Variants in RPTOR observed in about 807,000 individuals in gnomAD.
RPTOR encodes regulatory-associated protein of mTOR.
A neutral mutation model predicts 169.9 loss-of-function variants in RPTOR; 21 were observed. The ratio of observed to expected loss-of-function variants is 0.12; its 90% CI spans 0.09 to 0.18. The LOEUF is 0.18. Among genes scored for constraint, RPTOR ranks in the 10% least tolerant of loss-of-function variants. RPTOR has a pLI of 1.00. For synonymous variants in RPTOR, 732 were observed against 753.2 expected (o/e 0.97, Z 0.46); for missense variants, 1,133 against 1,855.9 (o/e 0.61, Z 7.16).
Position 80,952,076 on chromosome 17 carries a change from G to A in RPTOR, c.3370+2529G>A, listed in dbSNP as rs12943625. ...GGCCCGAGTTCCAGCAGGTTGCTGG[G>A]GGATGTCTCACGGGCCTGAGGGTAA... On this transcript the variant is annotated intron_variant, in intron 28 of 33. Coordinates refer to ENST00000306801, the MANE Select transcript of RPTOR (RefSeq NM_020761.3). 2.5e-3 allele frequency among the ~76,000 whole-genome samples: 384 copies of A among 152,322 alleles called. 3 individuals carry two copies. The Middle Eastern group carries it at 0.027, about 11-fold the overall frequency.
At chr17:80,697,384 A>C (rs140800077) in intron 3 of RPTOR, among the ~76,000 whole-genome samples, 1 of 152,242 alleles carries the variant, frequency 6.6e-6, no homozygotes, top group Non-Finnish European at 1.5e-5. Flanking sequence ...GGTTTTATCC[A>C]GGACCTGCCG....
chr17:80,549,010 G>A (rs1044299480), intron 1 of RPTOR, among the ~76,000 whole-genome samples: 1 of 152,180 alleles, frequency 6.6e-6, no homozygotes, highest in Non-Finnish European at 1.5e-5. Flanking sequence ...CTTTACCAAA[G>A]TTGACTGACT....
In RPTOR at chr17:80,599,501, G is replaced by A. The variant is rs552182704; in HGVS notation, c.163-26190G>A. ...CCATAATCAAATCCCAATGCCTGCA[G>A]CTCTGGCTTTGGGATGGGGTGTTGG... On this transcript the variant is annotated intron_variant, in intron 1 of 33. Transcript: ENST00000306801. Among the ~76,000 whole-genome samples, 4 of 152,352 alleles carry A rather than the reference G, an allele frequency of 2.6e-5. No individual in the cohort carries two copies. In the East Asian group the frequency reaches 7.7e-4, roughly 29 times the overall value.
At chr17:80,629,441 G>T (rs2065423980) in intron 2 of RPTOR, among the ~76,000 whole-genome samples, 1 of 151,312 alleles carries the variant, frequency 6.6e-6, no homozygotes, top group South Asian at 2.1e-4. Context: ...GCTCTTCTGT[G>T]TGTCTCTCTC....
At chr17:80,627,091 A>G (rs1294552569) in intron 2 of RPTOR, among the ~76,000 whole-genome samples, 1 of 152,132 alleles carries the variant, frequency 6.6e-6, no homozygotes, top group Admixed American at 6.5e-5. Context: ...ATGCCCCCAA[A>G]GTTCATCCAT....
At chr17:80,840,216 G>A (rs1430318446) in intron 10 of RPTOR, among the ~76,000 whole-genome samples, 1 of 152,104 alleles carries the variant, frequency 6.6e-6, no homozygotes, top group Non-Finnish European at 1.5e-5. Flanking sequence ...TTGGATGCGT[G>A]GAGTCACGCA....
At chr17:80,736,633 A>G (rs539932018) in intron 5 of RPTOR, among the ~76,000 whole-genome samples, 1 of 152,328 alleles carries the variant, frequency 6.6e-6, no homozygotes, top group South Asian at 2.1e-4. Context: ...ATGTTCTGAA[A>G]TCTTCTTCAT....
intron 6 of RPTOR, among the ~76,000 whole-genome samples, chr17:80,773,250 C>T (rs1389242241): frequency 3.3e-5 from 5 of 152,208 alleles, no homozygotes; most frequent in Non-Finnish European, 7.3e-5. Context: ...TGCAGTTTGT[C>T]ACCAAAGCCC....
At chr17:80,900,301 C>T (rs1457457037) in intron 20 of RPTOR, among the ~76,000 whole-genome samples, 1 of 151,992 alleles carries the variant, frequency 6.6e-6, no homozygotes, top group Non-Finnish European at 1.5e-5. Context: ...CACTGTGGCC[C>T]TCCTGGGGCC....
At chr17:80,887,517 C>CCT (rs1245189531) in intron 17 of RPTOR, among the ~76,000 whole-genome samples, 1 of 152,164 alleles carries the variant, frequency 6.6e-6, no homozygotes, top group Non-Finnish European at 1.5e-5. Flanking sequence ...GGCACAGGTG[C>CCT]AAGCACCAAG....
At chr17:80,747,282 T>A (rs2066585321) in intron 5 of RPTOR, among the ~76,000 whole-genome samples, 1 of 152,152 alleles carries the variant, frequency 6.6e-6, no homozygotes, top group South Asian at 2.1e-4. Flanking sequence ...AGCTCTCCTG[T>A]GTACTCGTCC....
At position 80,659,185 on chromosome 17, in the gene RPTOR, T is replaced by G. The variant is rs558112239; in HGVS notation, c.348+15375T>G. Among the ~76,000 whole-genome samples the G allele has an allele frequency of 3.3e-5, 5 of 151,846 alleles. No individual in the cohort carries two copies. The South Asian group carries it at 1.0e-3, about 32-fold the overall frequency. On this transcript the variant is annotated intron_variant, in intron 3 of 33. Transcript: ENST00000306801. The surrounding 1 kb of genome is among the most constrained non-coding windows in gnomAD (Gnocchi z 4.3). ...CCCGAGAGATTGCCTCCGAGCGCTGTTAGGAGAGGGAAGAGCTGCACTCAT... is the reference window on the plus strand; with the variant it reads ...CCCGAGAGATTGCCTCCGAGCGCTGGTAGGAGAGGGAAGAGCTGCACTCAT...
At chr17:80,752,157 G>T (rs942028318) in intron 5 of RPTOR, among the ~76,000 whole-genome samples, 1 of 152,216 alleles carries the variant, frequency 6.6e-6, no homozygotes, top group Non-Finnish European at 1.5e-5. Context: ...AGCCTGTGGT[G>T]TGTTCTTCTT....
chr17:80,929,485 A>T (rs1013179106), intron 24 of RPTOR, among the ~76,000 whole-genome samples: 12 of 152,254 alleles, frequency 7.9e-5, no homozygotes, highest in African/African-American at 2.9e-4. Flanking sequence ...AATTATAAAA[A>T]GCTTTAAGAG....
At chr17:80,837,419 G>T (rs144130680) in intron 9 of RPTOR, among the ~76,000 whole-genome samples, 3 of 152,134 alleles carry the variant, frequency 2.0e-5, no homozygotes, top group Non-Finnish European at 2.9e-5. Context: ...AGCCCTGACC[G>T]CCAGGACTCC....
At chr17:80,731,945 T>TAAA in intron 5 of RPTOR, among the ~76,000 whole-genome samples, 2 of 152,362 alleles carry the variant, frequency 1.3e-5, no homozygotes, top group East Asian at 3.9e-4. Context: ...AAGTATAATG[T>TAAA]GGTTTATCCA....
intron 1 of RPTOR, among the ~76,000 whole-genome samples, chr17:80,556,226 AAAC>A (rs1369697687): frequency 6.6e-6 from 1 of 152,224 alleles, no homozygotes; most frequent in African/African-American, 2.4e-5. Flanking sequence ...AGATCTTTCT[AAAC>A]ACAAATTTAT....
At chr17:80,778,088 A>G (rs1017837842) in intron 6 of RPTOR, among the ~76,000 whole-genome samples, 2 of 152,220 alleles carry the variant, frequency 1.3e-5, no homozygotes, top group African/African-American at 4.8e-5. Flanking sequence ...TACTTTGATC[A>G]TATAACAACT....
At chr17:80,756,966 G>A (rs2143348539) in intron 6 of RPTOR, among the ~76,000 whole-genome samples, 1 of 152,232 alleles carries the variant, frequency 6.6e-6, no homozygotes, top group Middle Eastern at 3.4e-3. Flanking sequence ...AGGGGTAGGT[G>A]CACTGTAATG....
Sources: gnomAD v4.1 joint callset for allele counts (sites outside exome capture counted in the v4.1 genomes callset) on GRCh38, gnomAD v4.1.1 for gene constraint, Gnocchi (gnomAD v3.1) non-coding constraint, MANE v1.5 for transcripts, NCBI Gene and HGNC (gene_info 2026-07-23, HGNC 2026-07-21) for gene names.